SETD5: variants seen among roughly 807,000 people sequenced by gnomAD.
The protein encoded by SETD5 is histone-lysine N-methyltransferase SETD5.
SETD5 carries 44 observed loss-of-function variants against 153.3 expected under a neutral mutation model. That is an observed-to-expected ratio of 0.29 (90% CI 0.23 to 0.37). The LOEUF is 0.37. Ranked by LOEUF, SETD5 falls within the 10% of genes least tolerant of loss-of-function variation. The probability of loss-of-function intolerance (pLI) is 1.00; values close to 1 mark genes in which losing one functional copy is unlikely to be tolerated. For missense variants in SETD5, 1,544 were observed against 1,768.0 expected (o/e 0.87, Z 2.27); for synonymous variants, 716 against 645.2 (o/e 1.11, Z -1.66).
chr3:9,452,400 G>A (rs1220080708), intron 16 of SETD5, among the ~76,000 whole-genome samples: 2 of 152,146 alleles, frequency 1.3e-5, no homozygotes, highest in Non-Finnish European at 2.9e-5. Flanking sequence ...TAAGCTTTAA[G>A]GCTATATGTA....
At position 9,447,876 on chromosome 3, in the gene SETD5, C is replaced by G; in HGVS notation, c.1973C>G (p.Thr658Ser). ...GAGGGAGGAAGTAACAGTTTAGTAA[C>G]TCCTACTGAAGCTGGAAGTCTAGAC... ...LEEGGSNSLV[T>S]PTEAGSLDSS... The change falls in exon 15 of 23, where the codon ACT becomes AGT. Residue 658 changes from threonine (T) to serine (S), a missense_variant. Thr to Ser is a moderately conservative substitution (Grantham distance 58, BLOSUM62 1). Transcript: ENST00000402198. 6.2e-7 allele frequency: 1 copy of G among 1,614,002 alleles called. No homozygotes were observed. Among genetic ancestry groups the G allele is most frequent in the Non-Finnish European group, 8.5e-7 (1 of 1,179,888 alleles).
At chr3:9,417,742 C>G (rs972288757) in intron 1 of SETD5, among the ~76,000 whole-genome samples, 4 of 151,626 alleles carry the variant, frequency 2.6e-5, no homozygotes, top group African/African-American at 9.7e-5. Context: ...GCCTCGGCCT[C>G]CCAAAGTGCT....
intron 7 of SETD5, among the ~76,000 whole-genome samples, chr3:9,439,160 A>T (rs2040962895): frequency 1.3e-5 from 2 of 152,184 alleles, no homozygotes; most frequent in African/African-American, 2.4e-5. Flanking sequence ...GTTTTGCACT[A>T]TTCTTTTGCG....
rs1039935701 is a variant in SETD5 at position 9,417,081 on chromosome 3, A to G, written c.-176-7386A>G. Among the ~76,000 whole-genome samples the G allele has an allele frequency of 2.0e-5, 3 of 152,314 alleles. No homozygotes were observed. In the East Asian group the frequency reaches 5.8e-4, roughly 29 times the overall value. Reference sequence around the variant, plus strand: ...AGTTTGGACTAGCCCAATAAGCATTAAGGAAACCATTATTTGTAGATTTCA... The same window carrying G: ...AGTTTGGACTAGCCCAATAAGCATTGAGGAAACCATTATTTGTAGATTTCA... On this transcript the variant is annotated intron_variant, in intron 1 of 22. Coordinates refer to ENST00000402198, the MANE Select transcript of SETD5 (RefSeq NM_001080517.3).
At chr3:9,474,938 A>G in intron 21 of SETD5, 130 bp from the exon 22 acceptor site, 1 of 791,854 alleles carries the variant, frequency 1.3e-6, no homozygotes, top group Non-Finnish European at 2.0e-6. Context: ...GGCATGCTGC[A>G]CTCACCCAAT....
chr3:9,413,744 G>A (rs1321472745), intron 1 of SETD5, among the ~76,000 whole-genome samples: 1 of 151,286 alleles, frequency 6.6e-6, no homozygotes, highest in Non-Finnish European at 1.5e-5. Context: ...ATACAGCAGA[G>A]ACCTAGAAGT....
intron 1 of SETD5, among the ~76,000 whole-genome samples, chr3:9,407,367 C>G (rs2035866433): frequency 6.6e-6 from 1 of 152,144 alleles, no homozygotes; most frequent in African/African-American, 2.4e-5. Context: ...AGATGCCACT[C>G]TTACTTAAAC....
chr3:9,434,183 T>C lies in SETD5; in HGVS notation c.178-151T>C, dbSNP rs2040301001. ...CTGGTTGAAGCCAAAAAACAAAGGGTACTACTTTCTTCTTTCTTTCCATAT... is the reference window on the plus strand; with the variant it reads ...CTGGTTGAAGCCAAAAAACAAAGGGCACTACTTTCTTCTTTCTTTCCATAT... On this transcript the variant is annotated intron_variant, in intron 4 of 22. Coordinates refer to ENST00000402198, the MANE Select transcript of SETD5 (RefSeq NM_001080517.3). The surrounding 1 kb of genome is among the most constrained non-coding windows in gnomAD (Gnocchi z 5.6). 5 of 1,549,032 alleles carry C rather than the reference T, an allele frequency of 3.2e-6. No homozygotes were observed. Among genetic ancestry groups the C allele is most frequent in the Non-Finnish European group, 4.4e-6 (5 of 1,144,952 alleles).
chr3:9,412,293 A>G (rs1475132979), intron 1 of SETD5, among the ~76,000 whole-genome samples: 1 of 150,986 alleles, frequency 6.6e-6, no homozygotes, highest in African/African-American at 2.4e-5. Flanking sequence ...AGATATGGGC[A>G]TTCTAGGAAA....
At chr3:9,447,612 TAAAGTG>T (rs2125278076) in intron 14 of SETD5, 68 bp from the exon 15 acceptor site, 18 of 1,483,450 alleles carry the variant, frequency 1.2e-5, no homozygotes, top group Non-Finnish European at 1.7e-5. Context: ...TCTGAATGCT[TAAAGTG>T]AATAGGAAAT....
chr3:9,397,648 A>AGCT lies in SETD5; in HGVS notation c.-503_-501dup, dbSNP rs1210341028. ...TTCCGCTCGGGCAGCGGGCTGAGTG[A>AGCT]GCTGCCGCCGCCGCCGCCGCCGCCG... On this transcript the variant is annotated 5_prime_UTR_variant, in exon 1 of 23. Transcript: ENST00000402198. 3.3e-5 allele frequency: 4 copies of AGCT among 120,474 alleles called. No homozygotes were observed. The highest frequency in any genetic ancestry group is 4.6e-5 in the Non-Finnish European group (3 of 65,680). 7.5% of individuals were successfully genotyped at this position (120,474 alleles called of 1,614,324 possible). A position where few individuals can be genotyped will look rare whatever the true frequency, so the allele number is the denominator to read the frequency against.
chr3:9,418,941 C>A (rs1039143555), intron 1 of SETD5, among the ~76,000 whole-genome samples: 1 of 152,092 alleles, frequency 6.6e-6, no homozygotes, highest in Non-Finnish European at 1.5e-5. Context: ...ATTCTCCTGC[C>A]TCAGCCTCCC....
chr3:9,458,768 C>T (rs1344305615), intron 17 of SETD5, among the ~76,000 whole-genome samples: 1 of 152,130 alleles, frequency 6.6e-6, no homozygotes, highest in Non-Finnish European at 1.5e-5. Context: ...TTATCATGTG[C>T]ATTAAAAATA....
At chr3:9,474,716 C>A in intron 21 of SETD5, 134 bp downstream of exon 21, 1 of 1,225,000 alleles carries the variant, frequency 8.2e-7, no homozygotes, top group Non-Finnish European at 1.1e-6. Flanking sequence ...TAGGTTCCAG[C>A]CCACTTATGC....
intron 2 of SETD5, among the ~76,000 whole-genome samples, chr3:9,428,279 C>T (rs1192188553): frequency 6.6e-6 from 1 of 152,112 alleles, no homozygotes; most frequent in Non-Finnish European, 1.5e-5. Flanking sequence ...AGAGAGTGTT[C>T]AATGACAAAA....
In SETD5 at chr3:9,470,626, T is replaced by C. The variant is rs1415075464; in HGVS notation, c.2892T>C (p.Asp964=). Reference sequence around the variant, plus strand: ...CTGGTTTCCCAAGCAGAAGTGGAGATGGACATCAGACCCTCGTGAGAAACT... The same window carrying C: ...CTGGTTTCCCAAGCAGAAGTGGAGACGGACATCAGACCCTCGTGAGAAACT... ...SETGFPSRSG[D]GHQTLVRNSD... Residue 964 remains aspartate, a synonymous_variant, in exon 19 of 23, where the codon GAT becomes GAC. Transcript: ENST00000402198. 3 of 1,613,968 alleles carry C rather than the reference T, an allele frequency of 1.9e-6. No homozygotes were observed. The highest frequency in any genetic ancestry group is 3.3e-5 in the Admixed American group (2 of 60,014).
chr3:9,451,638 G>T (rs1403877049), intron 16 of SETD5, among the ~76,000 whole-genome samples: 4 of 152,126 alleles, frequency 2.6e-5, no homozygotes, highest in Non-Finnish European at 5.9e-5. Context: ...TAGCGACAGG[G>T]TTTTGCTGTG....
chr3:9,475,040 AT>A (rs113358265), intron 21 of SETD5, 27 bp from the exon 22 acceptor site: 248 of 1,523,554 alleles, frequency 1.6e-4, no homozygotes, highest in African/African-American at 8.8e-4. Flanking sequence ...AGCCAAGTTG[AT>A]TTTTTTTTAT....
chr3:9,464,752 C>G (rs2044361454), intron 18 of SETD5, 80 bp downstream of exon 18: 1 of 1,594,152 alleles, frequency 6.3e-7, no homozygotes, highest in Non-Finnish European at 8.6e-7. Flanking sequence ...TAATACCATT[C>G]CAAATGTTTC....
Sources: gnomAD v4.1 joint callset for allele counts (sites outside exome capture counted in the v4.1 genomes callset) on GRCh38, gnomAD v4.1.1 for gene constraint, Gnocchi (gnomAD v3.1) non-coding constraint, MANE v1.5 for transcripts, NCBI Gene and HGNC (gene_info 2026-07-23, HGNC 2026-07-21) for gene names.